Variants in TASOR2 observed in about 807,000 individuals in gnomAD.
TASOR2 encodes protein TASOR 2.
A neutral mutation model predicts 199.5 loss-of-function variants in TASOR2; 84 were observed. The observed-to-expected ratio is 0.42, with a 90% CI of 0.35 to 0.50. The LOEUF (loss-of-function observed/expected upper bound fraction) is 0.50, where lower values mean the gene tolerates loss of function less well. Among genes scored for constraint, TASOR2 ranks in the 20% least tolerant of loss-of-function variants. The pLI, the probability that TASOR2 is intolerant of heterozygous loss-of-function variation, is 0.02. For missense variants in TASOR2, 2,796 were observed against 2,835.9 expected (o/e 0.99, Z 0.32); for synonymous variants, 1,103 against 1,046.6 (o/e 1.05, Z -1.04).
At chr10:5,712,947 T>C (rs1045353123) in intron 2 of TASOR2, 29 bp downstream of exon 2, 1 of 1,045,732 alleles carries the variant, frequency 9.6e-7, no homozygotes, top group Admixed American at 4.3e-5. Context: ...AGAAAATTAA[T>C]GGTATCATTA....
At position 5,748,538 on chromosome 10, in the gene TASOR2, A is replaced by G. The variant is rs570995843; in HGVS notation, c.5117A>G (p.Glu1706Gly). 1.4e-5 allele frequency: 22 copies of G among 1,613,542 alleles called. No homozygotes were observed. In the African/African-American group the frequency reaches 2.7e-4, roughly 20 times the overall value. Residue 1706 changes from glutamate to glycine, a missense_variant, in exon 15 of 21, where the codon GAA becomes GGA. Glu to Gly is a moderately conservative substitution (Grantham distance 98). This residue lies in a region of TASOR2 where 1,941 missense variants were observed against 1,924.9 expected (regional missense o/e 1.01). Transcript: ENST00000328090. The surrounding 1 kb of genome is among the most constrained non-coding windows in gnomAD (Gnocchi z 5.1). The stretch of plus-strand genomic sequence containing the variant: ...GAGCCTGAAGCTGAGTTACATAAAG[A>G]AACCACAGGTCCAGGCACTGCTGGC...
intron 1 of TASOR2, among the ~76,000 whole-genome samples, chr10:5,703,755 T>G (rs1454729694): frequency 1.3e-5 from 2 of 151,850 alleles, no homozygotes; most frequent in Non-Finnish European, 2.9e-5. Context: ...CGCCCGCCTC[T>G]GCCTCCCAAA....
At chr10:5,735,463 C>T (rs1014850539) in exon 12 of TASOR2, 16 of 1,614,090 alleles carry the variant, frequency 9.9e-6, no homozygotes, top group African/African-American at 1.3e-5. Flanking sequence ...GCTAAGCCAC[C>T]TGTGAAGAAA....
chr10:5,736,307 A>G (rs1427338282), intron 12 of TASOR2, among the ~76,000 whole-genome samples: 1 of 151,852 alleles, frequency 6.6e-6, no homozygotes, highest in African/African-American at 2.4e-5. Flanking sequence ...AATCCCAGCT[A>G]CTCGGGAGGC....
Position 5,747,333 on chromosome 10 carries a change from G to A in TASOR2, c.3912G>A (p.Glu1304=), listed in dbSNP as rs531333590. ...AAGAAATGCCAGCTGGTGAAATAGA[G>A]CAATTTGAGGAGGCCCCATTCTCAA... The change falls in exon 15 of 21, where the codon GAG becomes GAA. Residue 1304 remains glutamate, a synonymous_variant. Transcript: ENST00000328090. 6.2e-6 allele frequency: 10 copies of A among 1,614,104 alleles called. No homozygotes were observed. In the East Asian group the frequency reaches 1.8e-4, roughly 29 times the overall value.
rs1027138786 is a variant in TASOR2 at position 5,754,675 on chromosome 10, A to G, written c.6607-1938A>G. Among the ~76,000 whole-genome samples, 1 of 152,142 alleles carries G rather than the reference A, an allele frequency of 6.6e-6. No homozygotes were observed. The highest frequency in any genetic ancestry group is 1.5e-5 in the Non-Finnish European group (1 of 68,038). On this transcript the variant is annotated intron_variant, in intron 15 of 20. Coordinates refer to ENST00000328090, the Ensembl canonical transcript of TASOR2. The surrounding 1 kb of genome is among the most constrained non-coding windows in gnomAD (Gnocchi z 4.3). ...TCTATAGTGAATGTATTGTTTCATA[A>G]TATTTTATCACGTGGTGTCACTGTT... is the stretch of plus-strand genomic sequence containing the variant.
Position 5,748,532 on chromosome 10 carries a change from A to C in TASOR2, c.5111A>C (p.His1704Pro), listed in dbSNP as rs370197827. ...AATGGTGAGCCTGAAGCTGAGTTAC[A>C]TAAAGAAACCACAGGTCCAGGCACT... Residue 1704 changes from histidine (H) to proline (P), a missense_variant, in exon 15 of 21, where the codon CAT becomes CCT. His to Pro is a moderately conservative substitution (Grantham distance 77). Transcript: ENST00000328090. This position sits in a 1 kb window ranked among gnomAD's most constrained non-coding sequence, Gnocchi z 5.1. 6.2e-7 allele frequency: 1 copy of C among 1,613,482 alleles called. No individual in the cohort carries two copies. Among genetic ancestry groups the C allele is most frequent in the African/African-American group, 1.3e-5 (1 of 74,946 alleles).
intron 1 of TASOR2, among the ~76,000 whole-genome samples, chr10:5,702,369 T>A (rs976636394): frequency 2.0e-5 from 3 of 152,152 alleles, no homozygotes; most frequent in African/African-American, 7.2e-5. Flanking sequence ...ATATTGAGAA[T>A]TTTTGCATCT....
Position 5,748,853 on chromosome 10 carries a change from G to A in TASOR2, c.5432G>A (p.Gly1811Asp), listed in dbSNP as rs758735199. The A allele has an allele frequency of 7.4e-6, 12 of 1,614,204 alleles. No individual in the cohort carries two copies. In the African/African-American group the frequency reaches 1.6e-4, roughly 22 times the overall value. Residue 1811 changes from glycine to aspartate, a missense_variant, in exon 15 of 21, where the codon GGC becomes GAC. Coordinates refer to ENST00000328090, the Ensembl canonical transcript of TASOR2. The surrounding 1 kb of genome is among the most constrained non-coding windows in gnomAD (Gnocchi z 5.1). The stretch of plus-strand genomic sequence containing the variant: ...GCTGAGGCTGGTTCTGAAACCCTAG[G>A]CAGAGATGGAGAGGTCGGTGTGAAT...
Position 5,738,267 on chromosome 10 carries a change from T to C in TASOR2, c.1448-1351T>C, listed in dbSNP as rs780102415. ...TGGTGTTTTTTTAATTGGGAACCTG[T>C]AACACGTTAATAACTGGGTGATTTA... On this transcript the variant is annotated intron_variant, in intron 12 of 20. Coordinates refer to ENST00000328090, the Ensembl canonical transcript of TASOR2. The surrounding 1 kb of genome is among the most constrained non-coding windows in gnomAD (Gnocchi z 4.7). 3.5e-4 allele frequency among the ~76,000 whole-genome samples: 53 copies of C among 152,232 alleles called. No individual in the cohort carries two copies. Among genetic ancestry groups the C allele is most frequent in the Non-Finnish European group, 7.1e-4 (48 of 68,042 alleles).
At chr10:5,739,356 A>T (rs1836055489) in intron 12 of TASOR2, among the ~76,000 whole-genome samples, 1 of 152,160 alleles carries the variant, frequency 6.6e-6, no homozygotes, top group Non-Finnish European at 1.5e-5. Context: ...ATTCCTTAAG[A>T]CTTGTCCCTC....
chr10:5,739,760 CTCCCAGGCCCTAAA>C lies in TASOR2; in HGVS notation c.1592_1605del (p.Ser531TyrfsTer18). On this transcript the variant is annotated frameshift_variant, in exon 13 of 21. Coordinates refer to ENST00000328090, the Ensembl canonical transcript of TASOR2. LOFTEE classifies it high-confidence loss of function. ...CTGAAAACTCCATCGTCAACTATGA[CTCCCAGGCCCTAAA>C]TATGTTAGCCGATCTAGCATTAAGC... The C allele has an allele frequency of 6.2e-7, 1 of 1,614,200 alleles. No homozygotes were observed. The highest frequency in any genetic ancestry group is 1.1e-5 in the South Asian group (1 of 91,086).
intron 10 of TASOR2, among the ~76,000 whole-genome samples, chr10:5,728,032 A>C (rs945630287): frequency 6.6e-6 from 1 of 151,814 alleles, no homozygotes; most frequent in South Asian, 2.1e-4. Context: ...AGACCAGCCT[A>C]GGCAACATGT....
chr10:5,726,090 T>C (rs946502438), intron 8 of TASOR2, among the ~76,000 whole-genome samples: 31 of 152,250 alleles, frequency 2.0e-4, no homozygotes, highest in African/African-American at 7.5e-4. Context: ...ATATTTTATT[T>C]AGGTGGTTTA....
intron 9 of TASOR2, 42 bp downstream of exon 10, chr10:5,726,999 T>C (rs371127061): frequency 1.1e-5 from 17 of 1,613,298 alleles, no homozygotes; most frequent in Middle Eastern, 1.7e-4. Flanking sequence ...TTCATTATGT[T>C]TACTTTTGCT....
chr10:5,727,341 A>C (rs1238585288), intron 10 of TASOR2, among the ~76,000 whole-genome samples: 1 of 152,150 alleles, frequency 6.6e-6, no homozygotes, highest in Non-Finnish European at 1.5e-5. Flanking sequence ...TGACATTGCC[A>C]CTGAGATATC....
At chr10:5,726,690 A>C in intron 8 of TASOR2, 195 bp from the exon 10 acceptor site, 1 of 585,544 alleles carries the variant, frequency 1.7e-6, no homozygotes, top group Non-Finnish European at 3.0e-6. Flanking sequence ...TTTTATATAG[A>C]CCCAACAGGG....
At chr10:5,694,149 G>A (rs1836847853) in intron 1 of TASOR2, among the ~76,000 whole-genome samples, 1 of 151,754 alleles carries the variant, frequency 6.6e-6, no homozygotes, top group African/African-American at 2.4e-5. Context: ...CTTAAAAGAG[G>A]AAAAAGCTAT....
chr10:5,741,872 AT>A (rs1836475483), intron 13 of TASOR2, among the ~76,000 whole-genome samples: 1 of 152,216 alleles, frequency 6.6e-6, no homozygotes, highest in African/African-American at 2.4e-5. Flanking sequence ...AAAGAAGGCA[AT>A]TACATGTTCT....
Sources: gnomAD v4.1 joint callset for allele counts (sites outside exome capture counted in the v4.1 genomes callset) on GRCh38, gnomAD v4.1.1 for gene constraint, gnomAD v4.1.1 regional missense constraint, Gnocchi (gnomAD v3.1) non-coding constraint, MANE v1.5 for transcripts, NCBI Gene and HGNC (gene_info 2026-07-23, HGNC 2026-07-21) for gene names.